The following TRIM9 variants were observed in gnomAD, a reference collection of about 807,000 sequenced individuals.
TRIM9 encodes the protein tripartite motif containing 9, also known as E3 ubiquitin-protein ligase TRIM9.
Under a neutral mutation model 78.3 loss-of-function variants are expected in TRIM9, and 26 were observed. That is an observed-to-expected ratio of 0.33 (90% CI 0.24 to 0.46). The LOEUF (loss-of-function observed/expected upper bound fraction) is 0.46. Among genes scored for constraint, TRIM9 ranks in the 20% least tolerant of loss-of-function variants. The pLI is 1.00. For missense variants in TRIM9, 787 were observed against 1,036.4 expected (o/e 0.76, Z 3.30); for synonymous variants, 398 against 416.5 (o/e 0.96, Z 0.54).
chr14:50,990,538 A>G (rs1223949500), intron 7 of TRIM9, among the ~76,000 whole-genome samples: 3 of 152,160 alleles, frequency 2.0e-5, no homozygotes, highest in Non-Finnish European at 4.4e-5. Context: ...AGTACTAAAG[A>G]TTTTTGCAGA....
At chr14:51,060,594 G>A (rs1263880469) in intron 1 of TRIM9, among the ~76,000 whole-genome samples, 1 of 152,106 alleles carries the variant, frequency 6.6e-6, no homozygotes, top group Admixed American at 6.5e-5. Flanking sequence ...AGCCTCCCAA[G>A]TAGCTGGAAC....
intron 1 of TRIM9, among the ~76,000 whole-genome samples, chr14:51,085,011 C>T (rs941549371): frequency 6.6e-6 from 1 of 152,168 alleles, no homozygotes; most frequent in African/African-American, 2.4e-5. Context: ...GCCATTTACT[C>T]CTCTCTGCAA....
chr14:51,064,327 C>A (rs1339941862), intron 1 of TRIM9, among the ~76,000 whole-genome samples: 1 of 151,848 alleles, frequency 6.6e-6, no homozygotes, highest in African/African-American at 2.4e-5. Flanking sequence ...TACAAACAAG[C>A]AATAAGCAGG....
intron 1 of TRIM9, among the ~76,000 whole-genome samples, chr14:51,050,388 A>AT (rs1482116742): frequency 1.3e-5 from 2 of 152,056 alleles, no homozygotes; most frequent in Non-Finnish European, 2.9e-5. Flanking sequence ...CTTGGTTCTC[A>AT]TTGCCTCTTT....
At chr14:51,061,864 C>T (rs1238231963) in intron 1 of TRIM9, among the ~76,000 whole-genome samples, 1 of 152,168 alleles carries the variant, frequency 6.6e-6, no homozygotes. Flanking sequence ...GCCATCATAT[C>T]TTCAAATATT....
In TRIM9 at chr14:51,004,860, C is replaced by T. The variant is rs137971468; in HGVS notation, c.1307-4020G>A. Reference sequence around the variant, plus strand: ...ATAGTGTACTGGAGGAAAGTCTGCACGTCTAATTCCCAAAGTTTCTTTCTG... The same window carrying T: ...ATAGTGTACTGGAGGAAAGTCTGCATGTCTAATTCCCAAAGTTTCTTTCTG... On this transcript the variant is annotated intron_variant, in intron 5 of 12. Coordinates refer to ENST00000684578, the MANE Select transcript of TRIM9 (RefSeq NM_001387360.1). Among the ~76,000 whole-genome samples the T allele has an allele frequency of 5.1e-3, 780 of 152,230 alleles. 5 individuals are homozygous for T. The highest frequency in any genetic ancestry group is 0.018 in the African/African-American group (731 of 41,532).
intron 1 of TRIM9, among the ~76,000 whole-genome samples, chr14:51,065,507 T>G (rs1400665139): frequency 6.6e-6 from 1 of 152,222 alleles, no homozygotes; most frequent in African/African-American, 2.4e-5. Flanking sequence ...AAGGTTCATT[T>G]CTGAAAAGGG....
At chr14:50,988,989 T>C (rs1279601626) in intron 7 of TRIM9, among the ~76,000 whole-genome samples, 1 of 152,254 alleles carries the variant, frequency 6.6e-6, no homozygotes, top group Non-Finnish European at 1.5e-5. Context: ...TTGCTTATAT[T>C]GGTCTAGACA....
chr14:50,984,046 G>A (rs1386044419), intron 8 of TRIM9, among the ~76,000 whole-genome samples: 2 of 152,160 alleles, frequency 1.3e-5, no homozygotes, highest in Non-Finnish European at 2.9e-5. Flanking sequence ...GAGATACATT[G>A]GAATCCCCTG....
rs114296511 is a variant in TRIM9, at chr14:51,025,728, C to T, written c.823-368G>A. On this transcript the variant is annotated intron_variant, in intron 1 of 12. Coordinates refer to ENST00000684578, the MANE Select transcript of TRIM9 (RefSeq NM_001387360.1). ...AGTCAGATGATCTAATTCTTATCAA[C>T]GTTACTTAGCACAAAGGGCTATTGG... 7.1e-3 allele frequency among the ~76,000 whole-genome samples: 1,066 copies of T among 149,430 alleles called. 13 individuals are homozygous for T. The highest frequency in any genetic ancestry group is 0.024 in the African/African-American group (963 of 39,886).
chr14:50,979,310 T>C (rs1199807216), intron 12 of TRIM9, 77 bp downstream of exon 12: 3 of 1,611,148 alleles, frequency 1.9e-6, no homozygotes, highest in African/African-American at 1.3e-5. Context: ...CTCTCTTCGG[T>C]TGGATTGAAC....
chr14:51,002,338 G>A lies in TRIM9; in HGVS notation c.1307-1498C>T, dbSNP rs1161045602. 4.0e-5 allele frequency among the ~76,000 whole-genome samples: 6 copies of A among 151,156 alleles called. No homozygotes were observed. The East Asian group carries it at 1.2e-3, about 29-fold the overall frequency. On this transcript the variant is annotated intron_variant, in intron 5 of 12. Transcript: ENST00000684578. ...TTTAGTAGAGACGGGGTTTCACCGT[G>A]TTAGCCAAGATGGTCTCGATCTACT... is the stretch of plus-strand genomic sequence containing the variant.
intron 3 of TRIM9, among the ~76,000 whole-genome samples, chr14:51,013,201 T>C (rs1263795737): frequency 6.6e-6 from 1 of 151,304 alleles, no homozygotes; most frequent in Middle Eastern, 3.4e-3. Flanking sequence ...TTTTTGGATA[T>C]GGAGTTAGGT....
At chr14:50,982,877 C>G (rs2052155707) in intron 10 of TRIM9, 65 bp downstream of exon 10, 1 of 1,423,118 alleles carries the variant, frequency 7.0e-7, no homozygotes, top group Non-Finnish European at 9.7e-7. Flanking sequence ...TTTATTAAAC[C>G]TGTGAGACAC....
rs550191955 is a variant in TRIM9, at chr14:51,010,432, C to T, written c.1104G>A (p.Glu368=). The part of the protein sequence containing the change: ...VKLRQTTGLM[E]YCLEVIKEND... Reference sequence around the variant, plus strand: ...TTTCCTTAATCACCTCCAAGCAGTACTCCATGAGACCTGTGGTCTGGCGCA... The same window carrying T: ...TTTCCTTAATCACCTCCAAGCAGTATTCCATGAGACCTGTGGTCTGGCGCA... The change falls in exon 4 of 13, where the codon GAG becomes GAA. Residue 368 remains glutamate (E), a synonymous_variant. Transcript: ENST00000684578. 3.6e-5 allele frequency: 58 copies of T among 1,614,002 alleles called. No individual in the cohort carries two copies. Among genetic ancestry groups the T allele is most frequent in the African/African-American group, 8.0e-5 (6 of 74,994 alleles).
At chr14:51,053,014 G>T (rs1026902422) in intron 1 of TRIM9, among the ~76,000 whole-genome samples, 1 of 152,064 alleles carries the variant, frequency 6.6e-6, no homozygotes, top group Non-Finnish European at 1.5e-5. Context: ...AAGGACAACA[G>T]CCAGGTGCGG....
rs766435792 is a variant in TRIM9 at position 50,998,007 on chromosome 14, C to T, written c.1603+43G>A. Reference sequence around the variant, plus strand: ...CCGGGCTTGCCAGCCACTTTAGATGCCACGCAGTTCTCGCTCTGAGGGATA... The same window carrying T: ...CCGGGCTTGCCAGCCACTTTAGATGTCACGCAGTTCTCGCTCTGAGGGATA... On this transcript the variant is annotated intron_variant, in intron 7 of 12. Transcript: ENST00000684578. 8.7e-6 allele frequency: 14 copies of T among 1,612,444 alleles called. No individual in the cohort carries two copies. The East Asian group carries it at 3.1e-4, about 36-fold the overall frequency.
At chr14:51,031,763 A>G (rs1434927465) in intron 1 of TRIM9, among the ~76,000 whole-genome samples, 3 of 152,214 alleles carry the variant, frequency 2.0e-5, no homozygotes, top group Non-Finnish European at 2.9e-5. Context: ...CCTGCCACTG[A>G]CCCAGGGAGA....
At chr14:51,023,095 T>A in intron 2 of TRIM9, 138 bp from the exon 3 acceptor site, 2 of 1,169,496 alleles carry the variant, frequency 1.7e-6, no homozygotes, top group Non-Finnish European at 2.4e-6. Context: ...TTTAAAAAAA[T>A]AACTGGATAA....
Sources: gnomAD v4.1 joint callset for allele counts (sites outside exome capture counted in the v4.1 genomes callset) on GRCh38, gnomAD v4.1.1 for gene constraint, MANE v1.5 for transcripts, NCBI Gene and HGNC (gene_info 2026-07-23, HGNC 2026-07-21) for gene names.